ASAP1: variants seen among roughly 807,000 people sequenced by gnomAD.
ASAP1 encodes the protein ArfGAP with SH3 domain, ankyrin repeat and PH domain 1.
ASAP1 carries 43 observed loss-of-function variants against 145.2 expected under a neutral mutation model. The observed-to-expected ratio is 0.30, with a 90% CI of 0.23 to 0.38. The LOEUF is 0.38. Ranked by LOEUF, ASAP1 falls within the 10% of genes least tolerant of loss-of-function variation. ASAP1 has a pLI of 1.00. For synonymous variants in ASAP1, 546 were observed against 515.5 expected, an observed-to-expected ratio of 1.06 and a Z score of -0.80; for missense variants, 1,018 against 1,355.3, an observed-to-expected ratio of 0.75 and a Z score of 3.91.
intron 3 of ASAP1, among the ~76,000 whole-genome samples, chr8:130,295,884 G>A (rs1374695004): frequency 6.6e-6 from 1 of 152,168 alleles, no homozygotes; most frequent in Non-Finnish European, 1.5e-5. Flanking sequence ...CTTAAGTATA[G>A]GAGCTGCGCT....
chr8:130,124,291 GT>G (rs1338586056), intron 17 of ASAP1, among the ~76,000 whole-genome samples, 187 bp from the exon 18 acceptor site: 1 of 152,200 alleles, frequency 6.6e-6, no homozygotes, highest in Non-Finnish European at 1.5e-5. Context: ...ACCAAACTAA[GT>G]GCTGGAAATA....
intron 15 of ASAP1, 142 bp from the exon 16 acceptor site, chr8:130,128,232 G>A: frequency 2.0e-6 from 1 of 506,592 alleles, no homozygotes; most frequent in Non-Finnish European, 3.0e-6. Context: ...TTCCAAAATA[G>A]CAATAAAGTG....
At chr8:130,354,910 T>C (rs892070264) in intron 3 of ASAP1, among the ~76,000 whole-genome samples, 15 of 152,184 alleles carry the variant, frequency 9.9e-5, no homozygotes, top group African/African-American at 3.6e-4. Context: ...TTTTGAGACG[T>C]AGCCTCACTC....
intron 27 of ASAP1, among the ~76,000 whole-genome samples, chr8:130,066,499 C>T (rs2097430948): frequency 6.6e-6 from 1 of 152,200 alleles, no homozygotes; most frequent in Non-Finnish European, 1.5e-5. Context: ...GCTTGAGCCA[C>T]AATACCTGGC....
At chr8:130,359,732 T>A (rs1170297274) in intron 2 of ASAP1, among the ~76,000 whole-genome samples, 2 of 151,728 alleles carry the variant, frequency 1.3e-5, no homozygotes, top group Non-Finnish European at 2.9e-5. Context: ...CACGCCATTC[T>A]CCTGCCTCAG....
At chr8:130,151,370 CAAAAAAAAAAAAAAAAAAAAAAAAA>C (rs58367856) in intron 13 of ASAP1, among the ~76,000 whole-genome samples, 77 of 62,854 alleles carry the variant, frequency 1.2e-3, no homozygotes, top group Middle Eastern at 0.013. Flanking sequence ...GACTCAGTCT[CAAAAAAAAAAAAAAAAAAAAAAAAA>C]AAAAAAAAAA....
At chr8:130,271,053 C>G (rs1230788690) in intron 3 of ASAP1, among the ~76,000 whole-genome samples, 1 of 152,202 alleles carries the variant, frequency 6.6e-6, no homozygotes, top group Non-Finnish European at 1.5e-5. Context: ...GCTCCTGGTC[C>G]CCAAGGATGG....
At chr8:130,159,549 GAAA>G (rs869060434) in intron 12 of ASAP1, among the ~76,000 whole-genome samples, 2 of 84,164 alleles carry the variant, frequency 2.4e-5, no homozygotes, top group African/African-American at 9.0e-5. Context: ...GTGAACTCAG[GAAA>G]AAAAAAAAAA....
chr8:130,194,874 G>A (rs1815374596), intron 5 of ASAP1, among the ~76,000 whole-genome samples: 1 of 152,152 alleles, frequency 6.6e-6, no homozygotes, highest in Admixed American at 6.5e-5. Flanking sequence ...GGGGTTGGGG[G>A]CCCCTCCTTT....
At chr8:130,334,169 C>A (rs1824883987) in intron 3 of ASAP1, among the ~76,000 whole-genome samples, 1 of 152,154 alleles carries the variant, frequency 6.6e-6, no homozygotes, top group African/African-American at 2.4e-5. Context: ...ACTCTAGGTG[C>A]AGCTGTTAAG....
At chr8:130,169,412 T>C (rs1437063547) in intron 9 of ASAP1, among the ~76,000 whole-genome samples, 1 of 152,166 alleles carries the variant, frequency 6.6e-6, no homozygotes, top group Non-Finnish European at 1.5e-5. Flanking sequence ...TTAAACCATA[T>C]TTGAATTTGA....
chr8:130,121,880 T>C (rs1030957858), intron 18 of ASAP1, among the ~76,000 whole-genome samples: 1 of 149,304 alleles, frequency 6.7e-6, no homozygotes, highest in African/African-American at 2.5e-5. Context: ...TCAATCACAC[T>C]TACAATCAAA....
At chr8:130,349,507 G>A (rs543368682) in intron 3 of ASAP1, among the ~76,000 whole-genome samples, 1 of 152,320 alleles carries the variant, frequency 6.6e-6, no homozygotes, top group Admixed American at 6.5e-5. Context: ...CTGAGAGGTA[G>A]GTACTTATCC....
At chr8:130,357,921 C>G in intron 3 of ASAP1, 96 bp downstream of exon 3, 3 of 1,467,106 alleles carry the variant, frequency 2.0e-6, no homozygotes, top group Non-Finnish European at 2.7e-6. Context: ...GCGCCCCCGG[C>G]CCCCGCGTCC....
chr8:130,116,824 A>G (rs533038209), intron 21 of ASAP1, 56 bp downstream of exon 21: 5 of 1,573,256 alleles, frequency 3.2e-6, no homozygotes, highest in Non-Finnish European at 4.4e-6. Context: ...TCAAATTACA[A>G]TGTACCATGC....
At chr8:130,401,991 A>C (rs775157562) in intron 1 of ASAP1, 21 bp from the exon 2 acceptor site, 5 of 1,541,888 alleles carry the variant, frequency 3.2e-6, no homozygotes, top group Non-Finnish European at 3.6e-6. Context: ...GGCAGGACAA[A>C]AAGGGGACAA....
At chr8:130,225,672 A>C (rs1422502921) in intron 4 of ASAP1, among the ~76,000 whole-genome samples, 1 of 152,224 alleles carries the variant, frequency 6.6e-6, no homozygotes, top group African/African-American at 2.4e-5. Flanking sequence ...ATTGAGCAGA[A>C]ACTTGAAAAA....
chr8:130,328,033 T>C (rs1824449613), intron 3 of ASAP1, among the ~76,000 whole-genome samples: 1 of 152,150 alleles, frequency 6.6e-6, no homozygotes, highest in Non-Finnish European at 1.5e-5. Flanking sequence ...AATATATATA[T>C]ACACACTGAG....
At chr8:130,254,216 C>T (rs933082221) in intron 3 of ASAP1, among the ~76,000 whole-genome samples, 1 of 152,210 alleles carries the variant, frequency 6.6e-6, no homozygotes, top group Non-Finnish European at 1.5e-5. Flanking sequence ...TTAAAGGCCA[C>T]TGCCAAGGAT....
Sources: gnomAD v4.1 joint callset for allele counts (sites outside exome capture counted in the v4.1 genomes callset) on GRCh38, gnomAD v4.1.1 for gene constraint, MANE v1.5 for transcripts, NCBI Gene and HGNC (gene_info 2026-07-23, HGNC 2026-07-21) for gene names.